SLC5A8: variants seen among roughly 807,000 people sequenced by gnomAD.
SLC5A8 encodes the protein solute carrier family 5 member 8.
SLC5A8 carries 55 observed loss-of-function variants against 71.9 expected under a neutral mutation model. The observed-to-expected ratio is 0.77, with a 90% confidence interval of 0.62 to 0.96. SLC5A8 has a LOEUF of 0.96. Ranked by LOEUF, SLC5A8 falls within the 40% of genes least tolerant of loss-of-function variation. SLC5A8 has a pLI of 0.00. For synonymous variants in SLC5A8, 307 were observed against 276.1 expected (o/e 1.11, Z -1.11); for missense variants, 701 against 745.3 (o/e 0.94, Z 0.69).
chr12:101,158,596 C>CTA (rs1416083451), intron 13 of SLC5A8, among the ~76,000 whole-genome samples: 14 of 17,698 alleles, frequency 7.9e-4, no homozygotes, highest in South Asian at 2.2e-3. Context: ...CTCTCTCTCT[C>CTA]TCTATATATA....
intron 5 of SLC5A8, among the ~76,000 whole-genome samples, chr12:101,192,364 T>C (rs1234831553): frequency 6.6e-6 from 1 of 152,080 alleles, no homozygotes; most frequent in Non-Finnish European, 1.5e-5. Context: ...CAAACTTTGG[T>C]GCTTATTTTC....
chr12:101,166,432 G>T, intron 12 of SLC5A8, 62 bp downstream of exon 12: 1 of 1,392,420 alleles, frequency 7.2e-7, no homozygotes. Context: ...AAAAGCAAGT[G>T]GGGTTCTCTA....
chr12:101,176,123 A>G (rs1009479744), intron 10 of SLC5A8, among the ~76,000 whole-genome samples: 2 of 152,066 alleles, frequency 1.3e-5, no homozygotes, highest in African/African-American at 4.8e-5. Flanking sequence ...CTAATATAGC[A>G]ACATAGGTGG....
intron 13 of SLC5A8, among the ~76,000 whole-genome samples, chr12:101,160,298 G>A (rs968808180): frequency 1.3e-5 from 2 of 152,054 alleles, no homozygotes; most frequent in African/African-American, 2.4e-5. Flanking sequence ...CAGTCCTTTT[G>A]GAAAAGAAAG....
intron 5 of SLC5A8, among the ~76,000 whole-genome samples, chr12:101,192,451 G>A (rs1054554142): frequency 1.3e-5 from 2 of 152,096 alleles, no homozygotes; most frequent in African/African-American, 2.4e-5. Flanking sequence ...GCGGGGCTGC[G>A]ATCTCAAAGA....
chr12:101,183,213 T>G (rs1432038886), intron 8 of SLC5A8, among the ~76,000 whole-genome samples: 5 of 151,898 alleles, frequency 3.3e-5, no homozygotes, highest in African/African-American at 1.2e-4. Context: ...GCCTGGCTAA[T>G]TTTTTGTATT....
chr12:101,168,580 T>C (rs893413537), intron 10 of SLC5A8, among the ~76,000 whole-genome samples: 1 of 152,238 alleles, frequency 6.6e-6, no homozygotes, highest in Non-Finnish European at 1.5e-5. Context: ...GGACGAGTAC[T>C]GCTATGTGAC....
chr12:101,174,472 C>T (rs1248129774), intron 10 of SLC5A8, among the ~76,000 whole-genome samples: 3 of 152,166 alleles, frequency 2.0e-5, no homozygotes, highest in African/African-American at 7.2e-5. Flanking sequence ...GGGGGTCCTT[C>T]TCCCTTTCTT....
intron 9 of SLC5A8, 108 bp from the exon 10 acceptor site, chr12:101,180,204 G>A: frequency 5.4e-6 from 6 of 1,119,586 alleles, no homozygotes; most frequent in Non-Finnish European, 8.2e-6. Context: ...TATGACTGTG[G>A]TGAAGAATGG....
rs1165032229 is a variant in SLC5A8, at chr12:101,156,151, A to G, written c.*1128T>C. ...ATTTTTTGAGTCCAGACGTTTTAAA[A>G]AAAGTAGTGTTTGCTTATATAATTT... On this transcript the variant is annotated 3_prime_UTR_variant, in exon 15 of 15. Transcript: ENST00000536262. The G allele has an allele frequency of 6.6e-6, 1 of 152,162 alleles. No homozygotes were observed. The allele number at this position is 152,162 out of a possible 1,614,324, so 9.4% of individuals were successfully genotyped here.
At position 101,156,374 on chromosome 12, in the gene SLC5A8, A is replaced by C. The variant is rs1026832066; in HGVS notation, c.*905T>G. The C allele has an allele frequency of 2.0e-5, 3 of 152,210 alleles. No individual in the cohort carries two copies. The highest frequency in any genetic ancestry group is 4.4e-5 in the Non-Finnish European group (3 of 68,032). The allele number at this position is 152,210 out of a possible 1,614,324, so 9.4% of individuals were successfully genotyped here. On this transcript the variant is annotated 3_prime_UTR_variant, in exon 15 of 15. Coordinates refer to ENST00000536262, the MANE Select transcript of SLC5A8 (RefSeq NM_145913.5). Reference sequence around the variant, plus strand: ...GTCCATAAATACCTACATCAAGTATATGTTAGTACCAAGCTAATGGGAGTT... The same window carrying C: ...GTCCATAAATACCTACATCAAGTATCTGTTAGTACCAAGCTAATGGGAGTT...
intron 10 of SLC5A8, among the ~76,000 whole-genome samples, chr12:101,171,507 G>A (rs572176137): frequency 6.6e-5 from 10 of 152,270 alleles, no homozygotes; most frequent in Non-Finnish European, 4.4e-5. Flanking sequence ...TCTGTAGGAC[G>A]GTGAGTAGGA....
In SLC5A8 at chr12:101,158,332, GAA is replaced by G; in HGVS notation, c.1631-6_1631-5del. The G allele has an allele frequency of 2.7e-6, 4 of 1,485,946 alleles. No individual in the cohort carries two copies. The highest frequency in any genetic ancestry group is 3.7e-6 in the Non-Finnish European group (4 of 1,090,332). 92.0% of individuals were successfully genotyped at this position (1,485,946 alleles called of 1,614,324 possible). ...TCTAAGTTCTGTTTTCTTCCTCCTG[GAA>G]AAAAAAATGTACATGACTTACGTTG... On this transcript the variant is annotated splice_region_variant and splice_polypyrimidine_tract_variant and intron_variant, in intron 13 of 14. Transcript: ENST00000536262.
intron 11 of SLC5A8, among the ~76,000 whole-genome samples, chr12:101,166,997 A>G (rs1275910303): frequency 6.6e-6 from 1 of 152,206 alleles, no homozygotes; most frequent in Non-Finnish European, 1.5e-5. Flanking sequence ...TTAAAAAAAA[A>G]AAAGATACTG....
At chr12:101,197,613 G>A (rs1171688598) in intron 3 of SLC5A8, among the ~76,000 whole-genome samples, 1 of 152,064 alleles carries the variant, frequency 6.6e-6, no homozygotes, top group East Asian at 1.9e-4. Flanking sequence ...CTGCAAATAT[G>A]TTGCAATTTA....
At chr12:101,163,952 A>G (rs540177150) in intron 12 of SLC5A8, among the ~76,000 whole-genome samples, 2 of 152,350 alleles carry the variant, frequency 1.3e-5, no homozygotes, top group African/African-American at 4.8e-5. Context: ...CACCACCCAC[A>G]GAAATCAATT....
intron 10 of SLC5A8, among the ~76,000 whole-genome samples, chr12:101,169,577 G>A (rs1311597267): frequency 9.2e-5 from 14 of 152,156 alleles, no homozygotes. Context: ...TAGGACTGAA[G>A]AAAGATCCTG....
intron 6 of SLC5A8, among the ~76,000 whole-genome samples, chr12:101,189,124 A>G (rs1868790129): frequency 6.6e-6 from 1 of 152,214 alleles, no homozygotes; most frequent in Admixed American, 6.5e-5. Flanking sequence ...TAAGTTATCA[A>G]GTCGGGCTTT....
Position 101,172,014 on chromosome 12 carries a change from T to C in SLC5A8, c.1234-3832A>G, listed in dbSNP as rs558142870. 6.6e-4 allele frequency among the ~76,000 whole-genome samples: 100 copies of C among 152,062 alleles called. 1 individual carries two copies. The highest frequency in any genetic ancestry group is 9.1e-4 in the Non-Finnish European group (62 of 67,970). On this transcript the variant is annotated intron_variant, in intron 10 of 14. Transcript: ENST00000536262. The stretch of plus-strand genomic sequence containing the variant: ...GACAGGTGAAAATGGAACAGAAGGA[T>C]AAGGAGGACACAGAACTAAGCAATT...
Sources: gnomAD v4.1 joint callset for allele counts (sites outside exome capture counted in the v4.1 genomes callset) on GRCh38, gnomAD v4.1.1 for gene constraint, MANE v1.5 for transcripts, NCBI Gene and HGNC (gene_info 2026-07-23, HGNC 2026-07-21) for gene names.